Variants in DZIP3 observed in about 807,000 individuals in gnomAD.
DZIP3 encodes the protein E3 ubiquitin-protein ligase DZIP3.
In DZIP3, 118 loss-of-function variants were observed where a neutral mutation model predicts 162.0. That is an observed-to-expected ratio of 0.73 (90% CI 0.63 to 0.85). DZIP3 has a LOEUF of 0.85. Among genes scored for constraint, DZIP3 ranks in the 40% least tolerant of loss-of-function variants. DZIP3 has a pLI of 0.00. For synonymous variants in DZIP3, 438 were observed against 458.6 expected, an observed-to-expected ratio of 0.96 and a Z score of 0.57; for missense variants, 1,331 against 1,407.0, an observed-to-expected ratio of 0.95 and a Z score of 0.86.
chr3:108,686,284 A>G (rs1335619289), intron 27 of DZIP3, among the ~76,000 whole-genome samples, 161 bp from the exon 28 acceptor site: 1 of 152,208 alleles, frequency 6.6e-6, no homozygotes, highest in African/African-American at 2.4e-5. Flanking sequence ...TTTTAAAATA[A>G]GTTTAAAATA....
intron 8 of DZIP3, among the ~76,000 whole-genome samples, 178 bp from the exon 9 acceptor site, chr3:108,632,775 A>G (rs1319572273): frequency 6.6e-6 from 1 of 152,184 alleles, no homozygotes. Flanking sequence ...CTTCCTATAC[A>G]TTGTTTACTT....
intron 12 of DZIP3, among the ~76,000 whole-genome samples, chr3:108,638,048 G>A (rs544251087): frequency 1.3e-5 from 2 of 152,042 alleles, no homozygotes; most frequent in East Asian, 1.9e-4. Context: ...TCTGTTTAAC[G>A]TGTAAATGCC....
chr3:108,646,141 CT>C (rs199721130), intron 14 of DZIP3, among the ~76,000 whole-genome samples: 2 of 151,528 alleles, frequency 1.3e-5, no homozygotes, highest in African/African-American at 4.8e-5. Context: ...TGAAGATTGT[CT>C]TTTTTTTTCT....
At chr3:108,638,459 G>A (rs1467231043) in intron 12 of DZIP3, among the ~76,000 whole-genome samples, 1 of 152,032 alleles carries the variant, frequency 6.6e-6, no homozygotes, top group South Asian at 2.1e-4. Context: ...GGGACTACAG[G>A]TACCTGCCAC....
intron 4 of DZIP3, among the ~76,000 whole-genome samples, chr3:108,612,001 T>C (rs1940736945): frequency 6.6e-6 from 1 of 151,962 alleles, no homozygotes; most frequent in Admixed American, 6.6e-5. Flanking sequence ...CAAAAATGCA[T>C]TTTTAAAAAT....
chr3:108,649,569 T>G (rs758877826), intron 17 of DZIP3, among the ~76,000 whole-genome samples: 27 of 151,816 alleles, frequency 1.8e-4, no homozygotes, highest in Non-Finnish European at 3.1e-4. Context: ...AACCACCATG[T>G]TATGCAACTT....
Position 108,644,520 on chromosome 3 carries a change from G to A in DZIP3, c.1498G>A (p.Ala500Thr). 3 of 1,614,098 alleles carry A rather than the reference G, an allele frequency of 1.9e-6. No individual in the cohort carries two copies. The highest frequency in any genetic ancestry group is 1.7e-6 in the Non-Finnish European group (2 of 1,179,984). Reference protein sequence around the residue: ...EPPSSDISKSADILRLCKYRD... With the variant: ...EPPSSDISKSTDILRLCKYRD... ...GCCATCTTCTGACATCTCTAAATCT[G>A]CAGACATCCTGAGACTGTGCAAATA... The change falls in exon 14 of 33, where the codon GCA becomes ACA. Residue 500 changes from alanine (A) to threonine (T), a missense_variant. Physicochemically the swap from Ala to Thr is moderately conservative, Grantham distance 58. Coordinates refer to ENST00000361582, the MANE Select transcript of DZIP3 (RefSeq NM_014648.4).
intron 4 of DZIP3, among the ~76,000 whole-genome samples, chr3:108,613,604 A>T (rs1471560089): frequency 6.6e-6 from 1 of 152,196 alleles, no homozygotes; most frequent in Non-Finnish European, 1.5e-5. Context: ...TATAACATGG[A>T]CACAGAATTA....
At chr3:108,626,223 G>A (rs920069791) in intron 7 of DZIP3, among the ~76,000 whole-genome samples, 4 of 152,102 alleles carry the variant, frequency 2.6e-5, no homozygotes, top group Non-Finnish European at 2.9e-5. Flanking sequence ...TGATAGACCC[G>A]GGTTCAGCTA....
intron 1 of DZIP3, among the ~76,000 whole-genome samples, chr3:108,604,577 G>C (rs1940218305): frequency 1.3e-5 from 2 of 152,096 alleles, no homozygotes; most frequent in African/African-American, 4.8e-5. Flanking sequence ...TTGCCTCAGT[G>C]TTATTTTTCT....
chr3:108,654,299 A>G lies in DZIP3; in HGVS notation c.2188A>G (p.Met730Val). The G allele has an allele frequency of 6.2e-7, 1 of 1,613,660 alleles. No individual in the cohort carries two copies. Among genetic ancestry groups the G allele is most frequent in the South Asian group, 1.1e-5 (1 of 91,080 alleles). The change falls in exon 19 of 33, where the codon ATG (methionine) becomes GTG (valine). Residue 730 changes from methionine to valine, a missense_variant. Physicochemically the swap from Met to Val is conservative, Grantham distance 21. Coordinates refer to ENST00000361582, the MANE Select transcript of DZIP3 (RefSeq NM_014648.4). ...YSLDELHILD[M>V]IEQGSAGKVT... ...CCTGGATGAATTGCATATTCTGGAC[A>G]TGATAGAGCAGGTAAGCATGATTAG...
intron 31 of DZIP3, among the ~76,000 whole-genome samples, chr3:108,690,391 A>G (rs1281425806): frequency 1.3e-5 from 2 of 152,224 alleles, no homozygotes; most frequent in African/African-American, 2.4e-5. Flanking sequence ...TGCAAACACC[A>G]TAAGCATTTC....
chr3:108,640,743 C>CT, intron 12 of DZIP3, among the ~76,000 whole-genome samples: 1 of 152,236 alleles, frequency 6.6e-6, no homozygotes, highest in Non-Finnish European at 1.5e-5. Context: ...CATGCTCGGC[C>CT]TTAACATCTC....
rs748206067 is a variant in DZIP3, at chr3:108,644,407, C to T, written c.1385C>T (p.Ser462Phe). Residue 462 changes from serine (S) to phenylalanine (F), a missense_variant, in exon 14 of 33, where the codon TCC (serine) becomes TTC (phenylalanine). Transcript: ENST00000361582. ...CCTCCTAACAAGGAGTTACCGCAAT[C>T]CAAACAGTTTGACTTATGCCTCCTG... ...LYPPNKELPQSKQFDLCLLLA... is the reference protein window; with the variant it reads ...LYPPNKELPQFKQFDLCLLLA... 5 of 1,614,062 alleles carry T rather than the reference C, an allele frequency of 3.1e-6. No individual in the cohort carries two copies. In the South Asian group the frequency reaches 4.4e-5, roughly 14 times the overall value.
At chr3:108,633,446 G>T (rs1220680904) in intron 9 of DZIP3, among the ~76,000 whole-genome samples, 1 of 151,928 alleles carries the variant, frequency 6.6e-6, no homozygotes, top group Non-Finnish European at 1.5e-5. Flanking sequence ...TAAGGAGAAG[G>T]CTGTCACTCC....
At chr3:108,654,472 A>G in intron 19 of DZIP3, 162 bp downstream of exon 19, 1 of 733,656 alleles carries the variant, frequency 1.4e-6, no homozygotes, top group Non-Finnish European at 2.2e-6. Context: ...GAAGGAAAAT[A>G]GAATAAGGAA....
intron 4 of DZIP3, among the ~76,000 whole-genome samples, chr3:108,613,896 G>A (rs1376943464): frequency 6.6e-6 from 1 of 152,060 alleles, no homozygotes; most frequent in Non-Finnish European, 1.5e-5. Context: ...TAACCAATTG[G>A]CCAAAGAAGA....
At chr3:108,648,854 T>A (rs2107658224) in intron 16 of DZIP3, 64 bp from the exon 17 acceptor site, 1 of 889,176 alleles carries the variant, frequency 1.1e-6, no homozygotes, top group African/African-American at 1.8e-5. Context: ...GGAAATATAT[T>A]TTGCAAAATA....
rs148987012 is a variant in DZIP3, at chr3:108,598,217, G to A, written c.-72-7118G>A. 1.6e-3 allele frequency among the ~76,000 whole-genome samples: 240 copies of A among 152,210 alleles called. 1 individual carries two copies. The highest frequency in any genetic ancestry group is 5.5e-3 in the African/African-American group (230 of 41,528). ...ATTAAATATGTTACTAGAAGTAATG[G>A]GACATGGAAGAAAATAGAATTGCAG... On this transcript the variant is annotated intron_variant, in intron 1 of 32. Transcript: ENST00000361582.
Sources: gnomAD v4.1 joint callset for allele counts (sites outside exome capture counted in the v4.1 genomes callset) on GRCh38, gnomAD v4.1.1 for gene constraint, MANE v1.5 for transcripts, NCBI Gene and HGNC (gene_info 2026-07-23, HGNC 2026-07-21) for gene names.